Variants in NUDCD1 observed in about 807,000 individuals in gnomAD.
The protein encoded by NUDCD1 is NudC domain containing 1.
NUDCD1 carries 60 observed loss-of-function variants against 67.8 expected under a neutral mutation model. The ratio of observed to expected loss-of-function variants is 0.88; its 90% CI spans 0.72 to 1.10. The LOEUF is 1.10. Among genes scored for constraint, NUDCD1 ranks in the 50% least tolerant of loss-of-function variants. The pLI, the probability that NUDCD1 is intolerant of heterozygous loss-of-function variation, is 0.00. For synonymous variants in NUDCD1, 244 were observed against 230.8 expected (o/e 1.06, Z -0.52); for missense variants, 643 against 695.0 (o/e 0.93, Z 0.84).
At chr8:109,252,747 G>A (rs904296391) in intron 8 of NUDCD1, among the ~76,000 whole-genome samples, 3 of 152,082 alleles carry the variant, frequency 2.0e-5, no homozygotes, top group African/African-American at 4.8e-5. Context: ...ATCTCTTCTT[G>A]ACATACTTTT....
chr8:109,316,329 A>G (rs1266590649), intron 2 of NUDCD1: 2 of 152,174 alleles, frequency 1.3e-5, no homozygotes, highest in African/African-American at 4.8e-5. Context: ...ATAAACCAGT[A>G]TGTAGACCTG....
chr8:109,304,743 A>G (rs1356265070), intron 2 of NUDCD1, among the ~76,000 whole-genome samples: 3 of 152,182 alleles, frequency 2.0e-5, no homozygotes, highest in East Asian at 3.9e-4. Flanking sequence ...AAGGGCCATC[A>G]AAAGGCATCA....
rs1275185970 is a variant in NUDCD1, at chr8:109,285,071, T to G, written c.824-3899A>C. On this transcript the variant is annotated intron_variant, in intron 5 of 9. Transcript: ENST00000239690. ...CACAAACTAGAAAATCCAGAGAAAA[T>G]GGATAAATTCCTAGAAACACAATCT... Among the ~76,000 whole-genome samples, 6 of 149,436 alleles carry G rather than the reference T, an allele frequency of 4.0e-5. No homozygotes were observed. In the East Asian group the frequency reaches 1.2e-3, roughly 29 times the overall value.
intron 1 of NUDCD1, among the ~76,000 whole-genome samples, chr8:109,327,863 TC>T (rs1304277191): frequency 6.6e-6 from 1 of 152,224 alleles, no homozygotes; most frequent in Non-Finnish European, 1.5e-5. Context: ...AGCAGAGCTC[TC>T]CCCTACCTTG....
chr8:109,275,566 A>G (rs1814266774), intron 6 of NUDCD1, 70 bp from the exon 7 acceptor site: 7 of 1,388,130 alleles, frequency 5.0e-6, no homozygotes, highest in South Asian at 4.0e-5. Flanking sequence ...AGTAGCAAAC[A>G]TTGTTTGTTT....
chr8:109,333,851 A>T, intron 1 of NUDCD1, 42 bp downstream of exon 1: 1 of 1,607,044 alleles, frequency 6.2e-7, no homozygotes, highest in Non-Finnish European at 8.5e-7. Context: ...GGCAGCCGAA[A>T]GGGGAAAGGA....
At chr8:109,289,452 C>T (rs186731935) in intron 5 of NUDCD1, among the ~76,000 whole-genome samples, 1 of 152,174 alleles carries the variant, frequency 6.6e-6, no homozygotes, top group East Asian at 1.9e-4. Context: ...ACCATCAATA[C>T]TAATAGCAAA....
chr8:109,275,227 A>G (rs1814254003), intron 7 of NUDCD1, 125 bp downstream of exon 7: 1 of 768,652 alleles, frequency 1.3e-6, no homozygotes, highest in Non-Finnish European at 2.1e-6. Flanking sequence ...CACTCAGATC[A>G]GTAGTATCTG....
rs778606222 is a variant in NUDCD1 at position 109,296,585 on chromosome 8, A to G, written c.274-16T>C. ...AGGCAGTGTCCTAAAAAGACCAAAC[A>G]TTATACATTAATCTCTTCCTCTTCA... On this transcript the variant is annotated splice_polypyrimidine_tract_variant and intron_variant, in intron 2 of 9. Coordinates refer to ENST00000239690, the MANE Select transcript of NUDCD1 (RefSeq NM_032869.4). The G allele has an allele frequency of 1.7e-5, 26 of 1,534,904 alleles. No homozygotes were observed. Among genetic ancestry groups the G allele is most frequent in the Non-Finnish European group, 2.2e-5 (25 of 1,118,768 alleles).
chr8:109,244,172 T>A (rs1035794724), intron 9 of NUDCD1, among the ~76,000 whole-genome samples: 1 of 152,126 alleles, frequency 6.6e-6, no homozygotes, highest in Non-Finnish European at 1.5e-5. Flanking sequence ...AATACTGTTT[T>A]TAAAAATATT....
At chr8:109,333,833 A>C in intron 1 of NUDCD1, 60 bp downstream of exon 1, 2 of 1,577,494 alleles carry the variant, frequency 1.3e-6, no homozygotes, top group Non-Finnish European at 1.7e-6. Context: ...GGGAAGGGTC[A>C]GGCCGGAGGC....
intron 5 of NUDCD1, among the ~76,000 whole-genome samples, chr8:109,281,650 T>C (rs1417011946): frequency 6.6e-6 from 1 of 152,184 alleles, no homozygotes; most frequent in Admixed American, 6.5e-5. Flanking sequence ...GCACTTTTAG[T>C]ATAAATTAAA....
At chr8:109,307,740 C>T (rs1326832193) in intron 2 of NUDCD1, among the ~76,000 whole-genome samples, 2 of 152,100 alleles carry the variant, frequency 1.3e-5, no homozygotes, top group Non-Finnish European at 2.9e-5. Flanking sequence ...CTTCAAGAGA[C>T]TCACGATTCA....
At chr8:109,250,493 C>A (rs189698830) in intron 8 of NUDCD1, among the ~76,000 whole-genome samples, 1 of 152,202 alleles carries the variant, frequency 6.6e-6, no homozygotes, top group Non-Finnish European at 1.5e-5. Flanking sequence ...TATTTCCTGC[C>A]TCACTGCCTA....
Position 109,270,262 on chromosome 8 carries a change from GTAAGAA to G in NUDCD1, c.1299+737_1299+742del, listed in dbSNP as rs2129948203. Among the ~76,000 whole-genome samples, 3 of 151,684 alleles carry G rather than the reference GTAAGAA, an allele frequency of 2.0e-5. No individual in the cohort carries two copies. The East Asian group carries it at 5.8e-4, about 29-fold the overall frequency. ...AATTTAAAACACATCATACAAATTGGTAAGAAACACTAAGACAAATAAAAACTTCAC... is the reference window on the plus strand; with the variant it reads ...AATTTAAAACACATCATACAAATTGGACACTAAGACAAATAAAAACTTCAC... On this transcript the variant is annotated intron_variant, in intron 8 of 9. Coordinates refer to ENST00000239690, the MANE Select transcript of NUDCD1 (RefSeq NM_032869.4).
Position 109,330,556 on chromosome 8 carries a change from T to C in NUDCD1, c.118+3337A>G, listed in dbSNP as rs150676329. Among the ~76,000 whole-genome samples the C allele has an allele frequency of 2.1e-3, 327 of 152,334 alleles. 2 individuals are homozygous for C. Among genetic ancestry groups the C allele is most frequent in the African/African-American group, 7.4e-3 (309 of 41,572 alleles). On this transcript the variant is annotated intron_variant, in intron 1 of 9. Coordinates refer to ENST00000239690, the MANE Select transcript of NUDCD1 (RefSeq NM_032869.4). ...AATGAAAAACTCATCATGTGAACTA[T>C]TGCAAAAGCCTCCTATCTGCTGTGT...
At chr8:109,332,759 G>A (rs758172006) in intron 1 of NUDCD1, among the ~76,000 whole-genome samples, 3 of 152,120 alleles carry the variant, frequency 2.0e-5, no homozygotes, top group Non-Finnish European at 4.4e-5. Flanking sequence ...GTGACTGGAA[G>A]AAACACGGTG....
At chr8:109,271,212 G>T in intron 7 of NUDCD1, 82 bp from the exon 8 acceptor site, 1 of 895,762 alleles carries the variant, frequency 1.1e-6, no homozygotes, top group East Asian at 2.5e-5. Context: ...AAATTTTAAG[G>T]TTACAGCAGT....
At chr8:109,251,358 A>G (rs1813620434) in intron 8 of NUDCD1, among the ~76,000 whole-genome samples, 1 of 151,796 alleles carries the variant, frequency 6.6e-6, no homozygotes, top group South Asian at 2.1e-4. Flanking sequence ...TTTTTAGTAG[A>G]GACGGGGTTT....
Sources: allele counts gnomAD v4.1 joint callset (sites outside exome capture counted in the v4.1 genomes callset), GRCh38; gene constraint gnomAD v4.1.1; transcripts MANE v1.5; gene names NCBI Gene and HGNC (gene_info 2026-07-23, HGNC 2026-07-21).